LRCH1: variants seen among roughly 807,000 people sequenced by gnomAD.
The protein encoded by LRCH1 is leucine-rich repeat and calponin homology domain-containing protein 1.
A neutral mutation model predicts 94.9 loss-of-function variants in LRCH1; 23 were observed. The ratio of observed to expected loss-of-function variants is 0.24; its 90% CI spans 0.17 to 0.34. The LOEUF (loss-of-function observed/expected upper bound fraction) is 0.34. Among genes scored for constraint, LRCH1 ranks in the 10% least tolerant of loss-of-function variants. LRCH1 has a pLI of 1.00. For missense variants in LRCH1, 790 were observed against 945.9 expected (o/e 0.84, Z 2.16); for synonymous variants, 364 against 354.9 (o/e 1.03, Z -0.29).
chr13:46,743,935 T>G lies in LRCH1; in HGVS notation c.*2087T>G. On this transcript the variant is annotated 3_prime_UTR_variant, in exon 20 of 20. Coordinates refer to ENST00000389797, the MANE Select transcript of LRCH1 (RefSeq NM_001164211.2). ...TGGACGCACTTTGATTTTTTTTGTG[T>G]CATTAATTTGTCTGTACTCTGCTGC... 1 of 985,450 alleles carries G rather than the reference T, an allele frequency of 1.0e-6. No homozygotes were observed. The highest frequency in any genetic ancestry group is 1.2e-6 in the Non-Finnish European group (1 of 829,928). 61.0% of individuals were successfully genotyped at this position (985,450 alleles called of 1,614,324 possible). A position where few individuals can be genotyped will look rare whatever the true frequency, so the allele number is the denominator to read the frequency against.
chr13:46,747,426 C>G (rs547530564), downstream of LRCH1, among the ~76,000 whole-genome samples: 1 of 152,326 alleles, frequency 6.6e-6, no homozygotes, highest in East Asian at 1.9e-4. Flanking sequence ...CTCATCAGGC[C>G]CTGGGGTCAG....
chr13:46,561,105 GAGA>G (rs1383706915), intron 1 of LRCH1, among the ~76,000 whole-genome samples: 2 of 152,166 alleles, frequency 1.3e-5, no homozygotes, highest in Admixed American at 6.5e-5. Context: ...AAAAAAATCA[GAGA>G]AGAACAGTAT....
Position 46,728,950 on chromosome 13 carries a change from C to T in LRCH1, c.1973C>T (p.Ser658Leu), listed in dbSNP as rs747587257. ...CHLVNHIRPR[S>L]VASIHVPSPA... ...CTGGTCAACCACATCCGCCCACGGT[C>T]GGTTGCAAGCATCCATGTCCCATCA... The change falls in exon 18 of 20, where the codon TCG (serine) becomes TTG (leucine). Residue 658 changes from serine (S) to leucine (L), a missense_variant. Ser to Leu is a moderately radical substitution (Grantham distance 145). Around this residue, in one of 3 missense-constraint regions of LRCH1, gnomAD observed 460 missense variants for 508.9 expected, o/e 0.90. Coordinates refer to ENST00000389797, the MANE Select transcript of LRCH1 (RefSeq NM_001164211.2). 5 of 1,613,342 alleles carry T rather than the reference C, an allele frequency of 3.1e-6. No homozygotes were observed. The highest frequency in any genetic ancestry group is 1.7e-5 in the Admixed American group (1 of 59,928).
chr13:46,657,495 CTTTTCTTTTTTTTTTTTTTTTTTTTTTT>C (rs2051387457), intron 2 of LRCH1, among the ~76,000 whole-genome samples: 1 of 16,814 alleles, frequency 5.9e-5, no homozygotes, highest in Non-Finnish European at 1.2e-4. Flanking sequence ...TTTTTCTTTT[CTTTTCTTTTTTTTTTTTTTTTTTTTTTT>C]TTTTTTTTTT....
chr13:46,657,567 C>T lies in LRCH1; in HGVS notation c.452+7222C>T, dbSNP rs1176162912. Reference sequence around the variant, plus strand: ...TGAGGCAGGGTCTTGCTCTGTTGCTCAGGCTAGAGTGCAGTGGTGTGATCA... The same window carrying T: ...TGAGGCAGGGTCTTGCTCTGTTGCTTAGGCTAGAGTGCAGTGGTGTGATCA... On this transcript the variant is annotated intron_variant, in intron 2 of 19. Transcript: ENST00000389797. 4.2e-5 allele frequency among the ~76,000 whole-genome samples: 4 copies of T among 95,910 alleles called. No homozygotes were observed. The Admixed American group carries it at 6.7e-4, about 16-fold the overall frequency. 62.9% of individuals were successfully genotyped at this position (95,910 alleles called of 152,430 possible). A position where few individuals can be genotyped will look rare whatever the true frequency, so the allele number is the denominator to read the frequency against.
chr13:46,665,504 G>A (rs2051503004), intron 2 of LRCH1, among the ~76,000 whole-genome samples: 1 of 152,166 alleles, frequency 6.6e-6, no homozygotes. Context: ...TGATGAAATA[G>A]ACAAATGAAT....
chr13:46,565,669 G>T (rs2050174704), intron 1 of LRCH1, among the ~76,000 whole-genome samples: 1 of 151,768 alleles, frequency 6.6e-6, no homozygotes, highest in Non-Finnish European at 1.5e-5. Flanking sequence ...AAATTAGCTG[G>T]GTGTGGTGGT....
chr13:46,669,080 A>G lies in LRCH1; in HGVS notation c.503A>G (p.Lys168Arg). 6.2e-7 allele frequency: 1 copy of G among 1,614,162 alleles called. No individual in the cohort carries two copies. The highest frequency in any genetic ancestry group is 8.5e-7 in the Non-Finnish European group (1 of 1,180,018). The change falls in exon 3 of 20, where the codon AAA becomes AGA. Residue 168 changes from lysine (K) to arginine (R), a missense_variant. Physicochemically the swap from Lys to Arg is conservative, Grantham distance 26. Transcript: ENST00000389797. ...GCCTGCCTGTGTGGTCTGCCTCTCA[A>G]AGTCTTAATCGCAAGTAACAACAAA... is the stretch of plus-strand genomic sequence containing the variant. The part of the protein sequence containing the change: ...LPACLCGLPL[K>R]VLIASNNKLG...
chr13:46,721,117 G>A (rs1022856060), intron 16 of LRCH1, among the ~76,000 whole-genome samples: 7 of 152,134 alleles, frequency 4.6e-5, no homozygotes, highest in African/African-American at 1.7e-4. Context: ...ACACCATTTC[G>A]TTATCCTGAT....
chr13:46,671,361 A>G (rs2051599169), intron 3 of LRCH1, among the ~76,000 whole-genome samples: 1 of 152,024 alleles, frequency 6.6e-6, no homozygotes, highest in Non-Finnish European at 1.5e-5. Context: ...CTCCCCCCAC[A>G]CCCTGATAGC....
chr13:46,732,757 G>T (rs1873172168), intron 18 of LRCH1, among the ~76,000 whole-genome samples: 1 of 152,194 alleles, frequency 6.6e-6, no homozygotes, highest in Admixed American at 6.5e-5. Context: ...GTTATCTTCA[G>T]TCATGTTCCT....
chr13:46,706,344 C>T (rs946850805), intron 13 of LRCH1, among the ~76,000 whole-genome samples: 1 of 152,082 alleles, frequency 6.6e-6, no homozygotes, highest in Non-Finnish European at 1.5e-5. Flanking sequence ...ATATAGGGTA[C>T]CTAAATGTTA....
intron 1 of LRCH1, among the ~76,000 whole-genome samples, chr13:46,565,975 C>T (rs1179288274): frequency 6.6e-6 from 1 of 151,632 alleles, no homozygotes; most frequent in Non-Finnish European, 1.5e-5. Context: ...GTTGTGTATT[C>T]AGGTGAAGGG....
intron 1 of LRCH1, among the ~76,000 whole-genome samples, chr13:46,645,299 T>TC (rs2051206666): frequency 6.6e-6 from 1 of 152,230 alleles, no homozygotes; most frequent in Non-Finnish European, 1.5e-5. Context: ...ATTACATTTT[T>TC]CCCAAGTTTG....
chr13:46,661,881 C>T (rs2051453299), intron 2 of LRCH1, among the ~76,000 whole-genome samples: 1 of 152,036 alleles, frequency 6.6e-6, no homozygotes, highest in South Asian at 2.1e-4. Flanking sequence ...TATCAGTATC[C>T]CTTTCCTTTT....
rs927265871 is a variant in LRCH1, at chr13:46,744,115, T to C, written c.*2267T>C. 1.2e-5 allele frequency: 12 copies of C among 985,316 alleles called. No homozygotes were observed. The highest frequency in any genetic ancestry group is 1.7e-5 in the African/African-American group (1 of 57,240). The allele number at this position is 985,316 out of a possible 1,614,324, so 61.0% of individuals were successfully genotyped here. A position where few individuals can be genotyped will look rare whatever the true frequency, so the allele number is the denominator to read the frequency against. On this transcript the variant is annotated 3_prime_UTR_variant, in exon 20 of 20. Transcript: ENST00000389797. Reference sequence around the variant, plus strand: ...TTCTAATCAGAATATTAAGCTTCTCTGTGGTTTTTCTCCAAGGTACCCGTG... The same window carrying C: ...TTCTAATCAGAATATTAAGCTTCTCCGTGGTTTTTCTCCAAGGTACCCGTG...
chr13:46,578,821 G>A (rs1049050412), intron 1 of LRCH1, among the ~76,000 whole-genome samples: 1 of 152,090 alleles, frequency 6.6e-6, no homozygotes, highest in Non-Finnish European at 1.5e-5. Flanking sequence ...GGAGGGGGAT[G>A]TACAGGGTGT....
chr13:46,593,435 AATACAAAGGCAGTAATC>A (rs67418224), intron 1 of LRCH1, among the ~76,000 whole-genome samples: 3,177 of 152,124 alleles, frequency 0.021, 47 homozygotes, highest in South Asian at 0.035. Context: ...CGTGCTGGAG[AATACAAAGGCAGTAATC>A]AAAGAGCCTA....
intron 16 of LRCH1, among the ~76,000 whole-genome samples, chr13:46,723,014 G>A (rs1001322789): frequency 1.3e-5 from 2 of 152,154 alleles, no homozygotes. Context: ...AATACAGCTT[G>A]TTAGTCCACA....
Sources: allele counts gnomAD v4.1 joint callset (sites outside exome capture counted in the v4.1 genomes callset), GRCh38; gene constraint gnomAD v4.1.1; regional missense constraint gnomAD v4.1.1; transcripts MANE v1.5; gene names NCBI Gene and HGNC (gene_info 2026-07-23, HGNC 2026-07-21).